Variants in DDR2 observed in about 807,000 individuals in gnomAD.
DDR2 encodes the protein discoidin domain receptor tyrosine kinase 2.
A neutral mutation model predicts 94.9 loss-of-function variants in DDR2; 27 were observed. That is an observed-to-expected ratio of 0.28 (90% CI 0.21 to 0.39). The LOEUF (loss-of-function observed/expected upper bound fraction) is 0.39. Ranked by LOEUF, DDR2 falls within the 10% of genes least tolerant of loss-of-function variation. The pLI is 1.00. For missense variants in DDR2, 783 were observed against 1,076.0 expected (o/e 0.73, Z 3.81); for synonymous variants, 382 against 377.2 (o/e 1.01, Z -0.15).
Position 162,776,330 on chromosome 1 carries a change from T to A in DDR2, c.2243T>A (p.Val748Glu), listed in dbSNP as rs2102199820. The change falls in exon 16 of 18, where the codon GTG becomes GAG. Residue 748 changes from valine (V) to glutamate (E), a missense_variant. Val to Glu is a moderately radical substitution (Grantham distance 121). Coordinates refer to ENST00000367921, the MANE Select transcript of DDR2 (RefSeq NM_006182.4). Reference protein sequence around the residue: ...GDYYRIQGRAVLPIRWMSWES... With the variant: ...GDYYRIQGRAELPIRWMSWES... ...TATTACCGGATCCAGGGCCGGGCAG[T>A]GCTCCCTATCCGCTGGATGTCTTGG... 1 of 1,614,074 alleles carries A rather than the reference T, an allele frequency of 6.2e-7. No homozygotes were observed. The highest frequency in any genetic ancestry group is 8.5e-7 in the Non-Finnish European group (1 of 1,179,958).
At chr1:162,642,725 A>T (rs1657201758) in intron 1 of DDR2, among the ~76,000 whole-genome samples, 1 of 152,008 alleles carries the variant, frequency 6.6e-6, no homozygotes, top group South Asian at 2.1e-4. Flanking sequence ...TCCTTTCCTC[A>T]TGGGTGTGTT....
At chr1:162,768,040 A>G (rs1436837150) in intron 11 of DDR2, among the ~76,000 whole-genome samples, 2 of 152,194 alleles carry the variant, frequency 1.3e-5, no homozygotes, top group Non-Finnish European at 2.9e-5. Context: ...TATACACCTC[A>G]TTGAGTAATA....
At chr1:162,646,383 C>T (rs993104615) in intron 1 of DDR2, among the ~76,000 whole-genome samples, 1 of 152,130 alleles carries the variant, frequency 6.6e-6, no homozygotes. Context: ...GTGAGGACTT[C>T]TGAGTAATGA....
chr1:162,638,728 G>A (rs1656964834), intron 1 of DDR2, among the ~76,000 whole-genome samples: 1 of 152,116 alleles, frequency 6.6e-6, no homozygotes, highest in African/African-American at 2.4e-5. Context: ...TTGAGATGCA[G>A]GGGAGCAAAT....
Position 162,755,767 on chromosome 1 carries a change from C to T in DDR2, c.669C>T (p.Tyr223=). The T allele has an allele frequency of 6.2e-7, 1 of 1,613,518 alleles. No individual in the cohort carries two copies. Among genetic ancestry groups the T allele is most frequent in the Non-Finnish European group, 8.5e-7 (1 of 1,179,472 alleles). The change falls in exon 7 of 18, where the codon TAC becomes TAT. Residue 223 remains tyrosine (Y), a splice_region_variant and synonymous_variant. Transcript: ENST00000367921. ...NDSVYDGAVG[Y]SMTEGLGQLT... ...CTGTCTATGATGGAGCTGTTGGATA[C>T]AGGTAAATCCTGGGAAACTTTATTA... is the stretch of plus-strand genomic sequence containing the variant.
chr1:162,730,400 T>A (rs1054004339), intron 3 of DDR2, among the ~76,000 whole-genome samples: 6 of 152,180 alleles, frequency 3.9e-5, no homozygotes, highest in African/African-American at 1.4e-4. Flanking sequence ...TTGATTGTTA[T>A]ACATAAAGGA....
chr1:162,665,188 C>T (rs1489038980), intron 2 of DDR2, among the ~76,000 whole-genome samples: 2 of 152,170 alleles, frequency 1.3e-5, no homozygotes, highest in Non-Finnish European at 2.9e-5. Context: ...TCTACTTGTT[C>T]CTGGGGACAG....
intron 3 of DDR2, among the ~76,000 whole-genome samples, chr1:162,744,221 G>C (rs1212202250): frequency 1.3e-5 from 2 of 152,188 alleles, no homozygotes; most frequent in East Asian, 3.9e-4. Context: ...GTATCGTTAA[G>C]TATAGGCACA....
At chr1:162,713,701 T>G (rs1259883297) in intron 2 of DDR2, among the ~76,000 whole-genome samples, 1 of 152,220 alleles carries the variant, frequency 6.6e-6, no homozygotes, top group Non-Finnish European at 1.5e-5. Context: ...TACTATTGCA[T>G]AGCATTTCAC....
intron 1 of DDR2, among the ~76,000 whole-genome samples, chr1:162,647,319 C>A (rs1385074929): frequency 6.6e-6 from 1 of 152,170 alleles, no homozygotes; most frequent in African/African-American, 2.4e-5. Flanking sequence ...GAAAGAGATT[C>A]ATTTCCTTAA....
At chr1:162,777,629 C>G (rs563316452) in intron 16 of DDR2, 1 of 152,234 alleles carries the variant, frequency 6.6e-6, no homozygotes, top group South Asian at 2.1e-4. Flanking sequence ...TTCAGAGGAC[C>G]TTGGTTCAAA....
At chr1:162,672,576 G>A (rs1375164810) in intron 2 of DDR2, among the ~76,000 whole-genome samples, 1 of 151,954 alleles carries the variant, frequency 6.6e-6, no homozygotes, top group East Asian at 1.9e-4. Context: ...GTATATATAT[G>A]TATACACATA....
intron 2 of DDR2, among the ~76,000 whole-genome samples, chr1:162,688,065 G>A (rs1056611704): frequency 6.6e-6 from 1 of 152,206 alleles, no homozygotes; most frequent in Admixed American, 6.5e-5. Flanking sequence ...TCAGTGTTAT[G>A]TAAGTAAAAG....
At chr1:162,641,273 A>C (rs1657116461) in intron 1 of DDR2, among the ~76,000 whole-genome samples, 1 of 152,202 alleles carries the variant, frequency 6.6e-6, no homozygotes, top group Non-Finnish European at 1.5e-5. Flanking sequence ...CTGTCCTGTC[A>C]GCACCCACAT....
At chr1:162,740,167 G>A (rs1662519815) in intron 3 of DDR2, among the ~76,000 whole-genome samples, 2 of 151,936 alleles carry the variant, frequency 1.3e-5, no homozygotes, top group South Asian at 4.2e-4. Context: ...TCAAAATTTT[G>A]CCACCTGCAG....
At chr1:162,778,450 C>T in intron 16 of DDR2, 130 bp from the exon 17 acceptor site, 1 of 1,099,852 alleles carries the variant, frequency 9.1e-7, no homozygotes, top group Non-Finnish European at 1.4e-6. Context: ...ATACTCCATG[C>T]ACATCTTGGC....
intron 3 of DDR2, among the ~76,000 whole-genome samples, chr1:162,750,841 A>G (rs904285652): frequency 1.3e-5 from 2 of 152,124 alleles, no homozygotes; most frequent in African/African-American, 2.4e-5. Context: ...AAATAATACC[A>G]CACATCTACA....
chr1:162,754,539 A>G (rs1166020062), intron 4 of DDR2, 85 bp from the exon 5 acceptor site: 2 of 1,375,380 alleles, frequency 1.5e-6, no homozygotes, highest in Non-Finnish European at 2.1e-6. Context: ...TCCCCTCAGT[A>G]CAGGGCAGCT....
At chr1:162,749,037 CCCACA>C (rs1663037864) in intron 3 of DDR2, among the ~76,000 whole-genome samples, 1 of 152,130 alleles carries the variant, frequency 6.6e-6, no homozygotes, top group Non-Finnish European at 1.5e-5. Context: ...GCACTAAATG[CCCACA>C]AGAGAAAGCA....
Sources: gnomAD v4.1 joint callset for allele counts (sites outside exome capture counted in the v4.1 genomes callset) on GRCh38, gnomAD v4.1.1 for gene constraint, MANE v1.5 for transcripts, NCBI Gene and HGNC (gene_info 2026-07-23, HGNC 2026-07-21) for gene names.